Variants in IGSF3 observed in about 807,000 individuals in gnomAD.
IGSF3 encodes immunoglobulin superfamily member 3.
IGSF3 carries 23 observed loss-of-function variants against 114.4 expected under a neutral mutation model. The ratio of observed to expected loss-of-function variants is 0.20; its 90% CI spans 0.14 to 0.28. The LOEUF is 0.28. Ranked by LOEUF, IGSF3 falls within the 10% of genes least tolerant of loss-of-function variation. IGSF3 has a pLI of 1.00. For missense variants in IGSF3, 1,172 were observed against 1,591.5 expected (o/e 0.74, Z 4.48); for synonymous variants, 571 against 645.2 (o/e 0.88, Z 1.74).
chr1:116,609,829 A>G (rs1443777532), intron 4 of IGSF3, among the ~76,000 whole-genome samples: 1 of 152,186 alleles, frequency 6.6e-6, no homozygotes, highest in Non-Finnish European at 1.5e-5. Context: ...AGAATCATGC[A>G]TAAGCAGCAT....
Position 116,614,273 on chromosome 1 carries a change from C to T in IGSF3, c.422-98G>A, listed in dbSNP as rs13376608. On this transcript the variant is annotated intron_variant, in intron 3 of 10. Coordinates refer to ENST00000369486, the MANE Select transcript of IGSF3 (RefSeq NM_001007237.3). The surrounding 1 kb of genome is among the most constrained non-coding windows in gnomAD (Gnocchi z 4.5). ...ATTCCACGCAGGCGTCACTGCACTG[C>T]GCCCCTAACAGTCATCCTTGAACCA... 5.3e-6 allele frequency: 5 copies of T among 948,452 alleles called. No homozygotes were observed. In the Admixed American group the frequency reaches 6.2e-5, roughly 12 times the overall value. 58.8% of individuals were successfully genotyped at this position (948,452 alleles called of 1,614,324 possible). A position where few individuals can be genotyped will look rare whatever the true frequency, so the allele number is the denominator to read the frequency against.
At chr1:116,622,336 T>C (rs570601707) in intron 2 of IGSF3, among the ~76,000 whole-genome samples, 10 of 152,324 alleles carry the variant, frequency 6.6e-5, no homozygotes, top group African/African-American at 2.4e-4. Context: ...TATTTTAAAA[T>C]TTTATCTCAT....
In IGSF3 at chr1:116,642,385, G is replaced by A. The variant is rs1458049391; in HGVS notation, c.43+23899C>T. On this transcript the variant is annotated intron_variant, in intron 2 of 10. Coordinates refer to ENST00000369486, the MANE Select transcript of IGSF3 (RefSeq NM_001007237.3). The surrounding 1 kb of genome is among the most constrained non-coding windows in gnomAD (Gnocchi z 5.4). The stretch of plus-strand genomic sequence containing the variant: ...TATGATGAATAACATTAGAATTCTG[G>A]ATGCCTTCCAGCAGCTGGAACAGGG... 2.0e-5 allele frequency among the ~76,000 whole-genome samples: 3 copies of A among 152,104 alleles called. No individual in the cohort carries two copies. Among genetic ancestry groups the A allele is most frequent in the Non-Finnish European group, 2.9e-5 (2 of 68,032 alleles).
chr1:116,581,320 C>CTTTTTTTTTTTT (rs955415319), intron 9 of IGSF3, among the ~76,000 whole-genome samples: 1 of 70,582 alleles, frequency 1.4e-5, no homozygotes, highest in Admixed American at 1.5e-4. Flanking sequence ...GTTTTGCTGT[C>CTTTTTTTTTTTT]TTTTTTTTTT....
Position 116,588,628 on chromosome 1 carries a change from A to T in IGSF3, c.2440+66T>A. The T allele has an allele frequency of 1.6e-6, 2 of 1,259,566 alleles. No individual in the cohort carries two copies. Among genetic ancestry groups the T allele is most frequent in the Admixed American group, 2.3e-5 (1 of 43,128 alleles). The allele number at this position is 1,259,566 out of a possible 1,614,324, so 78.0% of individuals were successfully genotyped here. On this transcript the variant is annotated intron_variant, in intron 8 of 10. Coordinates refer to ENST00000369486, the MANE Select transcript of IGSF3 (RefSeq NM_001007237.3). This position sits in a 1 kb window ranked among gnomAD's most constrained non-coding sequence, Gnocchi z 4.9. ...CTCCACACCAGCCCCACAGATCCCC[A>T]CCCACCCCCAGGCAGTCTCTGCACT...
In IGSF3 at chr1:116,584,751, C is replaced by A. The variant is rs763361142; in HGVS notation, c.2742G>T (p.Gly914=). 5.6e-6 allele frequency: 9 copies of A among 1,614,030 alleles called. No individual in the cohort carries two copies. The South Asian group carries it at 9.9e-5, about 18-fold the overall frequency. The change falls in exon 9 of 11, where the codon GGG becomes GGT. Residue 914 remains glycine (G), a synonymous_variant. Coordinates refer to ENST00000369486, the MANE Select transcript of IGSF3 (RefSeq NM_001007237.3). This position sits in a 1 kb window ranked among gnomAD's most constrained non-coding sequence, Gnocchi z 5.8. ...FIQNVAVQDS[G]TYSCHVEEWL... is the part of the protein sequence containing the mutation. ...ACTCCTCCACATGGCAGCTGTAGGT[C>A]CCGCTGTCCTGCACAGCCACGTTCT...
rs549250337 is a variant in IGSF3, at chr1:116,584,692, C to T, written c.2801G>A (p.Arg934Gln). ...LPSPSGMWYK[R>Q]AEDTAGQTAL... ...TGTCTGCCCAGCGGTGTCCTCTGCC[C>T]GCTTATACCACATGCCACTGGGGCT... The change falls in exon 9 of 11, where the codon CGG (arginine) becomes CAG (glutamine). Residue 934 changes from arginine to glutamine, a missense_variant. Coordinates refer to ENST00000369486, the MANE Select transcript of IGSF3 (RefSeq NM_001007237.3). The surrounding 1 kb of genome is among the most constrained non-coding windows in gnomAD (Gnocchi z 5.8). 3.9e-5 allele frequency: 63 copies of T among 1,613,978 alleles called. No individual in the cohort carries two copies. The South Asian group carries it at 5.4e-4, about 14-fold the overall frequency.
Position 116,600,080 on chromosome 1 carries a change from T to G in IGSF3, c.1890A>C (p.Leu630=). Residue 630 remains leucine, a synonymous_variant, in exon 7 of 11, where the codon CTA becomes CTC. Transcript: ENST00000369486. The surrounding 1 kb of genome is among the most constrained non-coding windows in gnomAD (Gnocchi z 5.5). The part of the protein sequence containing the change: ...EKAESSNNVR[L]SISRASDTEA... ...CCGTGTCACTGGCTCGGCTGATGCT[T>G]AGGCGGACGTTGTTGCTGGACTCAG... The G allele has an allele frequency of 6.2e-7, 1 of 1,614,202 alleles. No homozygotes were observed. The highest frequency in any genetic ancestry group is 8.5e-7 in the Non-Finnish European group (1 of 1,180,042).
In IGSF3 at chr1:116,579,982, T is replaced by A. The variant is rs1005067857; in HGVS notation, c.2849-105A>T. ...ACACATGATAGTAACATCCATACTA[T>A]AAGATATTATGCACCTATTGAAAAG... On this transcript the variant is annotated intron_variant, in intron 9 of 10. Transcript: ENST00000369486. This position sits in a 1 kb window ranked among gnomAD's most constrained non-coding sequence, Gnocchi z 6.4. 4 of 1,038,284 alleles carry A rather than the reference T, an allele frequency of 3.9e-6. No individual in the cohort carries two copies. The highest frequency in any genetic ancestry group is 3.2e-5 in the African/African-American group (2 of 62,044). The allele number at this position is 1,038,284 out of a possible 1,614,324, so 64.3% of individuals were successfully genotyped here. A position where few individuals can be genotyped will look rare whatever the true frequency, so the allele number is the denominator to read the frequency against.
chr1:116,595,513 C>T lies in IGSF3; in HGVS notation c.2029+4428G>A, dbSNP rs1428715494. 2.0e-5 allele frequency among the ~76,000 whole-genome samples: 3 copies of T among 152,070 alleles called. No homozygotes were observed. Among genetic ancestry groups the T allele is most frequent in the South Asian group, 4.2e-4 (2 of 4,802 alleles). The stretch of plus-strand genomic sequence containing the variant: ...AAAGCCCTCTGCTATCCCAATCTGC[C>T]GGGTCAGCAATAAGAAATAGAAGAA... On this transcript the variant is annotated intron_variant, in intron 7 of 10. Transcript: ENST00000369486. This position sits in a 1 kb window ranked among gnomAD's most constrained non-coding sequence, Gnocchi z 4.2.
chr1:116,614,213 GC>G lies in IGSF3; in HGVS notation c.422-39del. The G allele has an allele frequency of 6.4e-7, 1 of 1,565,778 alleles. No individual in the cohort carries two copies. Among genetic ancestry groups the G allele is most frequent in the Non-Finnish European group, 8.8e-7 (1 of 1,141,904 alleles). On this transcript the variant is annotated intron_variant, in intron 3 of 10. Transcript: ENST00000369486. The surrounding 1 kb of genome is among the most constrained non-coding windows in gnomAD (Gnocchi z 4.5). ...AATGTCCTGAGAGTGCAGTCACAAA[GC>G]CACAGAATCTGAGACTCCCAGGGCT...
In IGSF3 at chr1:116,584,980, C is replaced by A; in HGVS notation, c.2513G>T (p.Cys838Phe). The change falls in exon 9 of 11, where the codon TGT becomes TTT. Residue 838 changes from cysteine to phenylalanine, a missense_variant. Transcript: ENST00000369486. This position sits in a 1 kb window ranked among gnomAD's most constrained non-coding sequence, Gnocchi z 5.8. ...VLETRQVQLE[C>F]VVLNRTSITS... ...TATGCTGGTGCGGTTGAGAACCACA[C>A]ACTCCAGCTGTACCTGCCGGGTCTC... is the stretch of plus-strand genomic sequence containing the variant. The A allele has an allele frequency of 6.2e-7, 1 of 1,601,084 alleles. No individual in the cohort carries two copies. The highest frequency in any genetic ancestry group is 1.1e-5 in the South Asian group (1 of 89,860).
At chr1:116,586,815 G>T (rs1449415707) in intron 8 of IGSF3, among the ~76,000 whole-genome samples, 2 of 152,098 alleles carry the variant, frequency 1.3e-5, no homozygotes, top group African/African-American at 2.4e-5. Context: ...GAAAACAGAT[G>T]AAAAATAGGA....
chr1:116,601,669 G>C (rs893259148), intron 6 of IGSF3, among the ~76,000 whole-genome samples: 12 of 152,320 alleles, frequency 7.9e-5, no homozygotes, highest in African/African-American at 2.9e-4. Context: ...CAAATAGGTA[G>C]GTACAATTTG....
chr1:116,617,023 A>G (rs573708107), intron 2 of IGSF3, among the ~76,000 whole-genome samples: 9 of 152,180 alleles, frequency 5.9e-5, no homozygotes, highest in African/African-American at 2.2e-4. Flanking sequence ...TCTTCCCTCC[A>G]TAAATGGAGG....
At position 116,595,452 on chromosome 1, in the gene IGSF3, A is replaced by C. The variant is rs1400168096; in HGVS notation, c.2029+4489T>G. On this transcript the variant is annotated intron_variant, in intron 7 of 10. Transcript: ENST00000369486. The surrounding 1 kb of genome is among the most constrained non-coding windows in gnomAD (Gnocchi z 4.2). Reference sequence around the variant, plus strand: ...TCCCTCAGAATGTGAAAGGAGAGCCAGTGTTCACATGCTCTGGACTCATGG... The same window carrying C: ...TCCCTCAGAATGTGAAAGGAGAGCCCGTGTTCACATGCTCTGGACTCATGG... Among the ~76,000 whole-genome samples the C allele has an allele frequency of 6.6e-6, 1 of 152,200 alleles. No homozygotes were observed. Among genetic ancestry groups the C allele is most frequent in the Non-Finnish European group, 1.5e-5 (1 of 68,030 alleles).
Position 116,588,981 on chromosome 1 carries a change from T to C in IGSF3, c.2153A>G (p.Tyr718Cys). 6.2e-7 allele frequency: 1 copy of C among 1,614,214 alleles called. No individual in the cohort carries two copies. The highest frequency in any genetic ancestry group is 8.5e-7 in the Non-Finnish European group (1 of 1,180,032). The change falls in exon 8 of 11, where the codon TAT (tyrosine) becomes TGT (cysteine). Residue 718 changes from tyrosine to cysteine, a missense_variant. Physicochemically the swap from Tyr to Cys is radical, Grantham distance 194 (BLOSUM62 -2). This residue lies in a region of IGSF3 where 736 missense variants were observed against 1,042.0 expected (regional missense o/e 0.71). Coordinates refer to ENST00000369486, the MANE Select transcript of IGSF3 (RefSeq NM_001007237.3). The surrounding 1 kb of genome is among the most constrained non-coding windows in gnomAD (Gnocchi z 4.9). ...ATCGGCATCCGAGGGCTTGTGGACA[T>C]ACCAGAGCACCGCAAAGTGGGAGTT... is the stretch of plus-strand genomic sequence containing the variant. The part of the protein sequence containing the change: ...SQNSHFAVLW[Y>C]VHKPSDADGK...
rs759475813 is a variant in IGSF3, at chr1:116,596,233, G to A, written c.2029+3708C>T. 1.3e-5 allele frequency among the ~76,000 whole-genome samples: 2 copies of A among 152,232 alleles called. No individual in the cohort carries two copies. The highest frequency in any genetic ancestry group is 2.9e-5 in the Non-Finnish European group (2 of 68,040). On this transcript the variant is annotated intron_variant, in intron 7 of 10. Transcript: ENST00000369486. The surrounding 1 kb of genome is among the most constrained non-coding windows in gnomAD (Gnocchi z 4.1). Reference sequence around the variant, plus strand: ...AGGCTGATGGTAAACAGACCAGCATGAGTGAGTCAACAGTCCCTGGGTTCC... The same window carrying A: ...AGGCTGATGGTAAACAGACCAGCATAAGTGAGTCAACAGTCCCTGGGTTCC...
rs561588906 is a variant in IGSF3 at position 116,635,357 on chromosome 1, C to A, written c.44-18900G>T. 2.0e-5 allele frequency among the ~76,000 whole-genome samples: 3 copies of A among 152,352 alleles called. No homozygotes were observed. In the East Asian group the frequency reaches 5.8e-4, roughly 29 times the overall value. On this transcript the variant is annotated intron_variant, in intron 2 of 10. Coordinates refer to ENST00000369486, the MANE Select transcript of IGSF3 (RefSeq NM_001007237.3). ...GTTATAGTTGGCCTTCCCCAGTTCT[C>A]TTCCTGGCATAGAGTAGTCCGTGCC...
Sources: allele counts gnomAD v4.1 joint callset (sites outside exome capture counted in the v4.1 genomes callset), GRCh38; gene constraint gnomAD v4.1.1; regional missense constraint gnomAD v4.1.1; non-coding constraint Gnocchi (gnomAD v3.1); transcripts MANE v1.5; gene names NCBI Gene and HGNC (gene_info 2026-07-23, HGNC 2026-07-21).